The following CHN2 variants were observed in gnomAD, a reference collection of about 807,000 sequenced individuals.
The protein encoded by CHN2 is beta-chimaerin.
A neutral mutation model predicts 56.3 loss-of-function variants in CHN2; 35 were observed. The observed-to-expected ratio is 0.62, with a 90% CI of 0.47 to 0.82. The LOEUF (loss-of-function observed/expected upper bound fraction) is 0.82. Ranked by LOEUF, CHN2 falls within the 40% of genes least tolerant of loss-of-function variation. The pLI, the probability that CHN2 is intolerant of heterozygous loss-of-function variation, is 0.00. For synonymous variants in CHN2, 210 were observed against 212.8 expected, an observed-to-expected ratio of 0.99 and a Z score of 0.12; for missense variants, 491 against 580.5, an observed-to-expected ratio of 0.85 and a Z score of 1.58.
intron 6 of CHN2, among the ~76,000 whole-genome samples, chr7:29,420,059 C>A (rs1425584984): frequency 2.1e-3 from 247 of 120,088 alleles, no homozygotes; most frequent in African/African-American, 3.1e-3. Context: ...GACTCCATCT[C>A]AAAAAAAAAA....
chr7:29,508,586 G>A (rs1355250150), intron 11 of CHN2, among the ~76,000 whole-genome samples: 1 of 152,052 alleles, frequency 6.6e-6, no homozygotes, highest in Non-Finnish European at 1.5e-5. Flanking sequence ...TCCTTCCGGG[G>A]CCCTAGTGGT....
At chr7:29,399,112 C>T (rs537301883) in intron 5 of CHN2, among the ~76,000 whole-genome samples, 12 of 152,262 alleles carry the variant, frequency 7.9e-5, no homozygotes, top group African/African-American at 2.9e-4. Flanking sequence ...TTTCCTCAGC[C>T]GCAGATGCTA....
intron 1 of CHN2, among the ~76,000 whole-genome samples, chr7:29,302,562 A>C (rs184585854): frequency 6.9e-6 from 1 of 145,440 alleles, no homozygotes; most frequent in Non-Finnish European, 1.5e-5. Context: ...GCTGGTCTCA[A>C]ACTCTTGGGC....
rs191449827 is a variant in CHN2, at chr7:29,238,414, G to A, written c.49+43424G>A. On this transcript the variant is annotated intron_variant, in intron 1 of 12. Transcript: ENST00000222792. ...CAGACCATTAAATACTTTTGCATGGGGAATGATCATATGTAAGTATGATCT... is the reference window on the plus strand; with the variant it reads ...CAGACCATTAAATACTTTTGCATGGAGAATGATCATATGTAAGTATGATCT... Among the ~76,000 whole-genome samples the A allele has an allele frequency of 5.8e-4, 88 of 152,126 alleles. No individual in the cohort carries two copies. In the South Asian group the frequency reaches 7.3e-3, roughly 13 times the overall value.
chr7:29,253,547 G>A (rs1240045929), intron 1 of CHN2, among the ~76,000 whole-genome samples: 2 of 152,190 alleles, frequency 1.3e-5, no homozygotes, highest in African/African-American at 2.4e-5. Flanking sequence ...TGGATTTGGG[G>A]TAGGAAACTA....
chr7:29,159,434 A>G (rs747577063), intron 2 of CHN2, among the ~76,000 whole-genome samples: 5 of 152,224 alleles, frequency 3.3e-5, no homozygotes, highest in Non-Finnish European at 1.5e-5. Context: ...TTGGAAAACT[A>G]TCTGCCTTGA....
chr7:29,203,007 A>T (rs1444118930), intron 1 of CHN2, among the ~76,000 whole-genome samples: 1 of 152,214 alleles, frequency 6.6e-6, no homozygotes, highest in African/African-American at 2.4e-5. Flanking sequence ...GTCCAGTGTG[A>T]CAGCCACATG....
intron 12 of CHN2, among the ~76,000 whole-genome samples, chr7:29,510,373 AG>A (rs1791162049): frequency 6.6e-6 from 1 of 152,084 alleles, no homozygotes; most frequent in Non-Finnish European, 1.5e-5. Flanking sequence ...CGGGAGACGA[AG>A]GCTGCAGTGA....
chr7:29,362,118 TCTGTATTATTTTATAA>T (rs1247190649), intron 2 of CHN2, among the ~76,000 whole-genome samples: 1 of 152,142 alleles, frequency 6.6e-6, no homozygotes, highest in Non-Finnish European at 1.5e-5. Flanking sequence ...AGTCTAGGAA[TCTGTATTATTTTATAA>T]CTCCTAGGAG....
At chr7:29,303,761 C>G (rs968776382) in intron 1 of CHN2, among the ~76,000 whole-genome samples, 1 of 152,186 alleles carries the variant, frequency 6.6e-6, no homozygotes, top group South Asian at 2.1e-4. Context: ...TTCCTTCTTT[C>G]TGAAGTCATG....
chr7:29,166,783 T>C (rs1795976455), intron 2 of CHN2, among the ~76,000 whole-genome samples: 1 of 152,156 alleles, frequency 6.6e-6, no homozygotes, highest in Non-Finnish European at 1.5e-5. Context: ...GGTTTATCAC[T>C]CACTGATCTC....
At chr7:29,347,839 A>T (rs758016168) in intron 1 of CHN2, among the ~76,000 whole-genome samples, 1 of 152,260 alleles carries the variant, frequency 6.6e-6, no homozygotes, top group Non-Finnish European at 1.5e-5. Context: ...ACATAGATCT[A>T]TGTGCGCTGA....
At chr7:29,498,356 A>C (rs1789527311) in intron 8 of CHN2, among the ~76,000 whole-genome samples, 1 of 152,236 alleles carries the variant, frequency 6.6e-6, no homozygotes, top group African/African-American at 2.4e-5. Flanking sequence ...AGTTAGCCAA[A>C]ATTTACATTC....
rs777859257 is a variant in CHN2, at chr7:29,504,737, C to T, written c.914-7C>T. The T allele has an allele frequency of 6.3e-7, 1 of 1,574,852 alleles. No individual in the cohort carries two copies. The highest frequency in any genetic ancestry group is 8.7e-7 in the Non-Finnish European group (1 of 1,149,426). On this transcript the variant is annotated splice_polypyrimidine_tract_variant and splice_region_variant and intron_variant, in intron 9 of 12. Transcript: ENST00000222792. ...CTAAAGTCAGTCTCTCTCTCTCTCT[C>T]TAACAGGATTAAAATCGGAAGGCCT...
intron 2 of CHN2, among the ~76,000 whole-genome samples, chr7:29,170,287 ATTACTAGAGCAACTCT>A (rs1209537807): frequency 6.6e-6 from 1 of 152,148 alleles, no homozygotes; most frequent in Non-Finnish European, 1.5e-5. Context: ...GCTAATCTTA[ATTACTAGAGCAACTCT>A]AGGGAACAGT....
chr7:29,389,326 C>T (rs572363982), intron 3 of CHN2, among the ~76,000 whole-genome samples: 4 of 152,286 alleles, frequency 2.6e-5, no homozygotes, highest in Admixed American at 6.5e-5. Flanking sequence ...TAACTTATGC[C>T]GGTTTGCTGA....
intron 1 of CHN2, among the ~76,000 whole-genome samples, chr7:29,235,528 A>G (rs1787119972): frequency 6.6e-6 from 1 of 152,248 alleles, no homozygotes; most frequent in Non-Finnish European, 1.5e-5. Flanking sequence ...AAGCAACCCT[A>G]TTACTGGATA....
At chr7:29,179,890 A>G (rs1797844887) in intron 2 of CHN2, among the ~76,000 whole-genome samples, 2 of 152,194 alleles carry the variant, frequency 1.3e-5, no homozygotes, top group Admixed American at 6.5e-5. Context: ...AGTATTACAA[A>G]CAAAAAATCT....
At chr7:29,503,473 C>T (rs1258095747) in intron 9 of CHN2, among the ~76,000 whole-genome samples, 1 of 152,194 alleles carries the variant, frequency 6.6e-6, no homozygotes, top group South Asian at 2.1e-4. Context: ...CATCTTAGAA[C>T]AGGATGACCC....
Sources: gnomAD v4.1 joint callset for allele counts (sites outside exome capture counted in the v4.1 genomes callset) on GRCh38, gnomAD v4.1.1 for gene constraint, MANE v1.5 for transcripts, NCBI Gene and HGNC (gene_info 2026-07-23, HGNC 2026-07-21) for gene names.